TNS1: variants seen among roughly 807,000 people sequenced by gnomAD.
TNS1 encodes the protein tensin-1.
In TNS1, 62 loss-of-function variants were observed where a neutral mutation model predicts 168.6. That is an observed-to-expected ratio of 0.37 (90% CI 0.30 to 0.45). The LOEUF (loss-of-function observed/expected upper bound fraction) is 0.45. Ranked by LOEUF, TNS1 falls within the 20% of genes least tolerant of loss-of-function variation. TNS1 has a pLI of 1.00. For synonymous variants in TNS1, 934 were observed against 933.2 expected, an observed-to-expected ratio of 1.00 and a Z score of -0.02; for missense variants, 2,240 against 2,339.4, an observed-to-expected ratio of 0.96 and a Z score of 0.88.
At chr2:217,966,063 G>A (rs1957619967) in intron 3 of TNS1, among the ~76,000 whole-genome samples, 1 of 151,816 alleles carries the variant, frequency 6.6e-6, no homozygotes, top group Non-Finnish European at 1.5e-5. Flanking sequence ...CTCTGCTCTG[G>A]GCTCCTACCC....
intron 7 of TNS1, among the ~76,000 whole-genome samples, chr2:217,898,749 G>A (rs141194490): frequency 3.2e-4 from 48 of 152,222 alleles, no homozygotes; most frequent in Non-Finnish European, 5.7e-4. Context: ...TGCGTTTCCC[G>A]GAGAGGTGGG....
chr2:218,024,725 G>T (rs1217385142), intron 1 of TNS1, among the ~76,000 whole-genome samples: 1 of 152,200 alleles, frequency 6.6e-6, no homozygotes, highest in Non-Finnish European at 1.5e-5. Flanking sequence ...TCCTCCCGTA[G>T]CATGAGCTTT....
chr2:218,002,969 G>A lies in TNS1; in HGVS notation c.-97C>T, dbSNP rs765021646. 19 of 454,872 alleles carry A rather than the reference G, an allele frequency of 4.2e-5. No homozygotes were observed. Among genetic ancestry groups the A allele is most frequent in the Non-Finnish European group, 6.2e-5 (14 of 226,514 alleles). 28.2% of individuals were successfully genotyped at this position (454,872 alleles called of 1,614,324 possible). ...GCTGGCAGAAGGGCTCTCTGAGTCC[G>A]CGGCTGCTCCGGCTCCGCCAGCATC... On this transcript the variant is annotated 5_prime_UTR_variant, in exon 1 of 33. Coordinates refer to ENST00000682258, the MANE Select transcript of TNS1 (RefSeq NM_001387777.1).
At chr2:217,885,626 T>C in intron 15 of TNS1, 118 bp downstream of exon 15, 1 of 1,052,980 alleles carries the variant, frequency 9.5e-7, no homozygotes, top group Non-Finnish European at 1.4e-6. Flanking sequence ...AGCCTATGGT[T>C]CCAAGCCTGG....
At chr2:217,834,878 T>C (rs1368947768) in intron 21 of TNS1, among the ~76,000 whole-genome samples, 2 of 152,138 alleles carry the variant, frequency 1.3e-5, no homozygotes, top group Non-Finnish European at 2.9e-5. Context: ...CTGGGGCGGC[T>C]GCACCCTTAG....
chr2:217,925,821 C>T (rs908114028), intron 3 of TNS1, among the ~76,000 whole-genome samples: 1 of 152,160 alleles, frequency 6.6e-6, no homozygotes, highest in African/African-American at 2.4e-5. Flanking sequence ...CCCTGGTTAC[C>T]TCTAATCTAC....
chr2:217,893,302 C>T, intron 10 of TNS1, 137 bp downstream of exon 10: 1 of 1,407,840 alleles, frequency 7.1e-7, no homozygotes, highest in East Asian at 2.5e-5. Flanking sequence ...AAAATACACA[C>T]AGACTTATAT....
intron 7 of TNS1, 132 bp downstream of exon 7, chr2:217,900,331 C>G: frequency 9.8e-7 from 1 of 1,020,142 alleles, no homozygotes; most frequent in South Asian, 1.5e-5. Flanking sequence ...GTGCCTTTCA[C>G]GTTTGCCCAC....
intron 2 of TNS1, among the ~76,000 whole-genome samples, chr2:217,990,722 C>T (rs1328676516): frequency 6.6e-6 from 1 of 152,244 alleles, no homozygotes; most frequent in African/African-American, 2.4e-5. Flanking sequence ...CTCATACAAG[C>T]TGCATGCCAT....
chr2:218,033,030 A>G lies in TNS1; in HGVS notation c.156+790T>C, dbSNP rs1958910463. ...TCCCTGCCCACCTTTACCTGGCCCAACAGGCACCTGCCCCATGTCAAAGCT... is the reference window on the plus strand; with the variant it reads ...TCCCTGCCCACCTTTACCTGGCCCAGCAGGCACCTGCCCCATGTCAAAGCT... On this transcript the variant is annotated intron_variant, in intron 1 of 1. Transcript: ENST00000649572. The surrounding 1 kb of genome is among the most constrained non-coding windows in gnomAD (Gnocchi z 4.3). Among the ~76,000 whole-genome samples, 1 of 152,076 alleles carries G rather than the reference A, an allele frequency of 6.6e-6. No individual in the cohort carries two copies. Among genetic ancestry groups the G allele is most frequent in the African/African-American group, 2.4e-5 (1 of 41,392 alleles).
intron 3 of TNS1, among the ~76,000 whole-genome samples, chr2:217,951,573 C>CT (rs1957242907): frequency 6.6e-6 from 1 of 152,148 alleles, no homozygotes; most frequent in African/African-American, 2.4e-5. Flanking sequence ...GGCCTCAGGG[C>CT]CTGGCTGGAC....
rs774970842 is a variant in TNS1, at chr2:217,890,999, C to A, written c.829G>T (p.Asp277Tyr). ...GGCTGGCCAATGGGCACAATCTTAT[C>A]CTCATAGAACCGCTTCATTGCAAAC... ...DRFAMKRFYEDKIVPIGQPSQ... is the reference protein window; with the variant it reads ...DRFAMKRFYEYKIVPIGQPSQ... The change falls in exon 12 of 33, where the codon GAT becomes TAT. Residue 277 changes from aspartate to tyrosine, a missense_variant. By Grantham distance (160) the Asp-to-Tyr change is radical. Transcript: ENST00000682258. 2.5e-6 allele frequency: 4 copies of A among 1,614,208 alleles called. No homozygotes were observed. The highest frequency in any genetic ancestry group is 3.4e-6 in the Non-Finnish European group (4 of 1,180,046).
chr2:217,839,908 G>A (rs1476943877), intron 19 of TNS1, among the ~76,000 whole-genome samples: 2 of 152,164 alleles, frequency 1.3e-5, no homozygotes, highest in Admixed American at 6.5e-5. Flanking sequence ...GCCACACGGC[G>A]ATCACACTAG....
At chr2:217,905,353 G>A (rs1260053445) in intron 6 of TNS1, 1 of 449,128 alleles carries the variant, frequency 2.2e-6, no homozygotes, top group East Asian at 7.2e-5. Flanking sequence ...CACCTGGAGA[G>A]GCCCCATGCG....
chr2:217,831,125 C>A (rs10168454), intron 22 of TNS1, among the ~76,000 whole-genome samples: 68,864 of 151,674 alleles, frequency 0.45, 15,914 homozygotes, highest in African/African-American at 0.54. Flanking sequence ...GTATGTGCGC[C>A]CATGTACGTG....
At chr2:217,899,099 A>G (rs1952649834) in intron 7 of TNS1, among the ~76,000 whole-genome samples, 1 of 152,214 alleles carries the variant, frequency 6.6e-6, no homozygotes, top group Non-Finnish European at 1.5e-5. Flanking sequence ...GGCACTAGAC[A>G]GAACAAGCCC....
chr2:218,013,106 AT>A (rs1273688279), upstream of TNS1, among the ~76,000 whole-genome samples: 211 of 151,876 alleles, frequency 1.4e-3, 2 homozygotes, highest in African/African-American at 4.6e-3. Flanking sequence ...AAAAAAAAAA[AT>A]TAGCGGTGCG....
At chr2:217,885,205 C>CAGAACCAG (rs753793864) in intron 15 of TNS1, 41 bp from the exon 16 acceptor site, 2 of 1,613,098 alleles carry the variant, frequency 1.2e-6, no homozygotes, top group Admixed American at 3.3e-5. Context: ...GGGCCTGAGG[C>CAGAACCAG]TGGGAGGTCA....
chr2:217,933,300 T>G (rs926958811), intron 3 of TNS1, among the ~76,000 whole-genome samples: 3 of 151,920 alleles, frequency 2.0e-5, no homozygotes, highest in African/African-American at 7.3e-5. Context: ...ACTGAGAGAT[T>G]TTAAACGGAT....
Sources: gnomAD v4.1 joint callset for allele counts (sites outside exome capture counted in the v4.1 genomes callset) on GRCh38, gnomAD v4.1.1 for gene constraint, Gnocchi (gnomAD v3.1) non-coding constraint, MANE v1.5 for transcripts, NCBI Gene and HGNC (gene_info 2026-07-23, HGNC 2026-07-21) for gene names.